Variants in SYT14 observed in about 807,000 individuals in gnomAD.
SYT14 encodes the protein synaptotagmin 14.
Under a neutral mutation model 74.2 loss-of-function variants are expected in SYT14, and 32 were observed. The observed-to-expected ratio is 0.43, with a 90% CI of 0.33 to 0.58. The LOEUF (loss-of-function observed/expected upper bound fraction) is 0.58, where lower values mean the gene tolerates loss of function less well. SYT14 is among the 20% of genes least tolerant of loss of function. The probability of loss-of-function intolerance (pLI) is 0.05; values close to 1 mark genes in which losing one functional copy is unlikely to be tolerated. For synonymous variants in SYT14, 298 were observed against 337.7 expected (o/e 0.88, Z 1.29); for missense variants, 791 against 981.8 (o/e 0.81, Z 2.60).
chr1:210,149,234 G>A (rs1011259491), intron 7 of SYT14, among the ~76,000 whole-genome samples: 2 of 146,430 alleles, frequency 1.4e-5, no homozygotes, highest in Non-Finnish European at 3.0e-5. Flanking sequence ...ACCCAGGCTG[G>A]AGTACAATGG....
rs1426679364 is a variant in SYT14 at position 210,015,835 on chromosome 1, C to G, written c.-169C>G. 3.5e-6 allele frequency: 4 copies of G among 1,146,130 alleles called. No individual in the cohort carries two copies. The African/African-American group carries it at 6.4e-5, about 18-fold the overall frequency. 71.0% of individuals were successfully genotyped at this position (1,146,130 alleles called of 1,614,324 possible). A position where few individuals can be genotyped will look rare whatever the true frequency, so the allele number is the denominator to read the frequency against. ...AATCTTTACTTCAACATATTTCTTT[C>G]AATGCATAATGTATTTACAGAAAGA... On this transcript the variant is annotated 5_prime_UTR_variant, in exon 4 of 10. Coordinates refer to ENST00000637265, the Ensembl canonical transcript of SYT14.
chr1:209,953,058 C>A, intron 2 of SYT14: 1 of 1,353,096 alleles, frequency 7.4e-7, no homozygotes, highest in Non-Finnish European at 9.7e-7. Context: ...CTTTCAGAAT[C>A]TGGAATCTGA....
chr1:210,009,556 T>C (rs547023422), intron 2 of SYT14, among the ~76,000 whole-genome samples: 2 of 152,218 alleles, frequency 1.3e-5, no homozygotes, highest in South Asian at 2.1e-4. Flanking sequence ...TCTAAAGATA[T>C]GTAACATAAG....
At chr1:209,992,235 C>G (rs987698274) in intron 2 of SYT14, among the ~76,000 whole-genome samples, 1 of 152,014 alleles carries the variant, frequency 6.6e-6, no homozygotes, top group Admixed American at 6.6e-5. Context: ...TCCTTGAACT[C>G]CTGGGTTCAA....
intron 7 of SYT14, among the ~76,000 whole-genome samples, chr1:210,125,976 G>A (rs2082560928): frequency 6.6e-6 from 1 of 152,110 alleles, no homozygotes; most frequent in South Asian, 2.1e-4. Context: ...AGGCCGAGGA[G>A]GGCAGCTCAG....
At chr1:210,138,510 C>G (rs2082838624) in intron 7 of SYT14, among the ~76,000 whole-genome samples, 1 of 152,062 alleles carries the variant, frequency 6.6e-6, no homozygotes, top group African/African-American at 2.4e-5. Flanking sequence ...CCATATCTCT[C>G]TATATATTTG....
At chr1:210,049,367 C>T (rs370212847) in intron 5 of SYT14, among the ~76,000 whole-genome samples, 5 of 151,154 alleles carry the variant, frequency 3.3e-5, no homozygotes, top group African/African-American at 4.9e-5. Context: ...GAAATCTAGG[C>T]GGAGGTTCTC....
chr1:209,970,861 G>A (rs149474138), intron 2 of SYT14, among the ~76,000 whole-genome samples: 342 of 151,652 alleles, frequency 2.3e-3, no homozygotes, highest in African/African-American at 7.6e-3. Context: ...TGTATTATTA[G>A]TAGAGATGGG....
At chr1:210,155,824 T>C in exon 8 of SYT14, 1 of 1,614,132 alleles carries the variant, frequency 6.2e-7, no homozygotes. Flanking sequence ...CTTATTGGCC[T>C]GCTTTATAAT....
intron 2 of SYT14, among the ~76,000 whole-genome samples, chr1:209,985,955 A>C (rs2079562798): frequency 6.6e-6 from 1 of 152,200 alleles, no homozygotes. Flanking sequence ...GCAGGACCCT[A>C]GGCCTGGCCC....
At chr1:210,137,287 C>T (rs557635065) in intron 7 of SYT14, among the ~76,000 whole-genome samples, 4 of 152,228 alleles carry the variant, frequency 2.6e-5, no homozygotes, top group Non-Finnish European at 4.4e-5. Flanking sequence ...TCTTGATGGG[C>T]AGTTACCATA....
intron 7 of SYT14, among the ~76,000 whole-genome samples, chr1:210,137,048 G>A (rs1040970371): frequency 3.9e-5 from 6 of 152,184 alleles, no homozygotes; most frequent in South Asian, 2.1e-4. Context: ...ACCACAATCT[G>A]CAGGAGTGCC....
At chr1:210,114,276 A>G (rs1291642050) in intron 7 of SYT14, among the ~76,000 whole-genome samples, 2 of 151,422 alleles carry the variant, frequency 1.3e-5, no homozygotes, top group Non-Finnish European at 2.9e-5. Flanking sequence ...CACTTAAAGC[A>G]AGATCCTGGG....
intron 2 of SYT14, among the ~76,000 whole-genome samples, chr1:209,953,904 T>G (rs2078951998): frequency 6.6e-6 from 1 of 152,242 alleles, no homozygotes; most frequent in South Asian, 2.1e-4. Flanking sequence ...TAACTATTGT[T>G]GATTTGTGCT....
chr1:210,118,230 T>C (rs563214616), intron 7 of SYT14, among the ~76,000 whole-genome samples: 1 of 150,952 alleles, frequency 6.6e-6, no homozygotes, highest in African/African-American at 2.4e-5. Flanking sequence ...TAAAATTTAT[T>C]AAATTGAGAA....
At chr1:210,156,003 C>A in intron 8 of SYT14, 93 bp downstream of exon 7, 2 of 1,123,472 alleles carry the variant, frequency 1.8e-6, no homozygotes, top group Non-Finnish European at 2.6e-6. Flanking sequence ...TAGTCTTAAC[C>A]AATCAAAATG....
intron 7 of SYT14, among the ~76,000 whole-genome samples, chr1:210,112,755 G>T (rs1432517959): frequency 1.3e-5 from 2 of 151,350 alleles, no homozygotes; most frequent in South Asian, 4.1e-4. Flanking sequence ...CATTAATGAT[G>T]GAGGACCCTT....
intron 7 of SYT14, among the ~76,000 whole-genome samples, chr1:210,108,757 A>G (rs751982360): frequency 6.6e-6 from 1 of 152,210 alleles, no homozygotes; most frequent in Admixed American, 6.5e-5. Context: ...ATAAGAGAGA[A>G]GTGAAGCCAG....
intron 5 of SYT14, among the ~76,000 whole-genome samples, chr1:210,067,484 A>G (rs1452548719): frequency 6.6e-6 from 1 of 152,006 alleles, no homozygotes; most frequent in Non-Finnish European, 1.5e-5. Flanking sequence ...GATGTTTTTC[A>G]GTTTTCAGAT....
Sources: gnomAD v4.1 joint callset for allele counts (sites outside exome capture counted in the v4.1 genomes callset) on GRCh38, gnomAD v4.1.1 for gene constraint, MANE v1.5 for transcripts, NCBI Gene and HGNC (gene_info 2026-07-23, HGNC 2026-07-21) for gene names.